TMEM132D: variants seen among roughly 807,000 people sequenced by gnomAD.
TMEM132D encodes mature OL transmembrane protein.
A neutral mutation model predicts 62.3 loss-of-function variants in TMEM132D; 21 were observed. The ratio of observed to expected loss-of-function variants is 0.34; its 90% CI spans 0.24 to 0.49. TMEM132D has a LOEUF of 0.49. Among genes scored for constraint, TMEM132D ranks in the 20% least tolerant of loss-of-function variants. The probability of loss-of-function intolerance (pLI) is 0.99; values close to 1 mark genes in which losing one functional copy is unlikely to be tolerated. For missense variants in TMEM132D, 1,346 were observed against 1,402.8 expected (o/e 0.96, Z 0.65); for synonymous variants, 621 against 575.6 (o/e 1.08, Z -1.13).
chr12:129,326,064 C>A (rs1453081425), intron 4 of TMEM132D, among the ~76,000 whole-genome samples: 1 of 152,148 alleles, frequency 6.6e-6, no homozygotes, highest in Non-Finnish European at 1.5e-5. Context: ...TTAACAGGCT[C>A]GGGGCTGACC....
intron 3 of TMEM132D, among the ~76,000 whole-genome samples, chr12:129,408,175 T>G (rs1040228694): frequency 2.0e-4 from 30 of 152,180 alleles, no homozygotes; most frequent in African/African-American, 6.8e-4. Flanking sequence ...AGTTTTTCTA[T>G]CCCTGTATCA....
Position 129,825,030 on chromosome 12 carries a change from C to T in TMEM132D, c.79+78231G>A, listed in dbSNP as rs1277855455. ...GGCAGTCTTTTTTTTTTTTTTTTCC[C>T]TGAGATGGAGTCTCACTCTGTCACC... On this transcript the variant is annotated intron_variant, in intron 1 of 8. Transcript: ENST00000422113. Among the ~76,000 whole-genome samples the T allele has an allele frequency of 1.5e-3, 217 of 146,600 alleles. 1 individual carries two copies. Among genetic ancestry groups the T allele is most frequent in the African/African-American group, 5.2e-3 (207 of 40,098 alleles).
At chr12:129,178,499 T>C (rs1320289307) in intron 5 of TMEM132D, among the ~76,000 whole-genome samples, 1 of 151,964 alleles carries the variant, frequency 6.6e-6, no homozygotes, top group African/African-American at 2.4e-5. Context: ...GGTATCTCAT[T>C]GTGGTTTTGA....
At chr12:129,653,381 C>T (rs940511200) in intron 2 of TMEM132D, among the ~76,000 whole-genome samples, 3 of 152,152 alleles carry the variant, frequency 2.0e-5, no homozygotes, top group African/African-American at 7.2e-5. Context: ...GGTATGGGGC[C>T]CGTGAACAAT....
intron 2 of TMEM132D, among the ~76,000 whole-genome samples, chr12:129,550,159 C>T (rs1368647843): frequency 6.6e-6 from 1 of 152,176 alleles, no homozygotes; most frequent in Non-Finnish European, 1.5e-5. Context: ...TTTCCAGATT[C>T]TACAGCAAGC....
At chr12:129,355,645 C>A (rs1367975011) in intron 3 of TMEM132D, among the ~76,000 whole-genome samples, 1 of 152,134 alleles carries the variant, frequency 6.6e-6, no homozygotes, top group African/African-American at 2.4e-5. Context: ...TATTTTTAGG[C>A]AGCAAATTAT....
intron 2 of TMEM132D, among the ~76,000 whole-genome samples, chr12:129,556,918 C>T (rs551664020): frequency 6.6e-6 from 1 of 152,230 alleles, no homozygotes; most frequent in East Asian, 1.9e-4. Flanking sequence ...TCCCCAGGCA[C>T]ATTTTAAAGT....
At chr12:129,822,713 C>G (rs1593175724) in intron 1 of TMEM132D, among the ~76,000 whole-genome samples, 1 of 152,190 alleles carries the variant, frequency 6.6e-6, no homozygotes, top group African/African-American at 2.4e-5. Context: ...CGGCAGGAGA[C>G]AGAATGAGTG....
intron 1 of TMEM132D, among the ~76,000 whole-genome samples, chr12:129,786,447 A>G (rs1030162065): frequency 1.3e-5 from 2 of 152,222 alleles, no homozygotes; most frequent in Admixed American, 6.5e-5. Flanking sequence ...AAAAAACCAT[A>G]CAGAAAAGGG....
intron 5 of TMEM132D, among the ~76,000 whole-genome samples, chr12:129,096,674 T>A (rs1489703940): frequency 1.3e-5 from 2 of 152,158 alleles, no homozygotes; most frequent in Non-Finnish European, 2.9e-5. Flanking sequence ...AAAGTCTGAG[T>A]CTCTTTCCCC....
intron 5 of TMEM132D, among the ~76,000 whole-genome samples, chr12:129,153,566 A>G (rs1395486311): frequency 6.6e-6 from 1 of 152,006 alleles, no homozygotes; most frequent in East Asian, 1.9e-4. Context: ...TCTCTTAACG[A>G]TTTTCACAAG....
At chr12:129,372,483 G>GT (rs1222459401) in intron 3 of TMEM132D, among the ~76,000 whole-genome samples, 2 of 152,154 alleles carry the variant, frequency 1.3e-5, no homozygotes, top group African/African-American at 4.8e-5. Flanking sequence ...ATGGTAGGAG[G>GT]TGAGTAGTGG....
intron 3 of TMEM132D, among the ~76,000 whole-genome samples, chr12:129,398,139 C>T (rs75325740): frequency 6.6e-6 from 1 of 152,312 alleles, no homozygotes; most frequent in East Asian, 1.9e-4. Context: ...CTCTGCCCAC[C>T]TCTGACACTT....
Position 129,903,248 on chromosome 12 carries a change from G to C in TMEM132D, c.79+13C>G. On this transcript the variant is annotated intron_variant, in intron 1 of 8. Transcript: ENST00000422113. This position sits in a 1 kb window ranked among gnomAD's most constrained non-coding sequence, Gnocchi z 6.2. ...AGTTAGTCCCCGGGCCCTGGCGGCC[G>C]CGGCGTCCTCACCTTTGGAAAACAG... is the stretch of plus-strand genomic sequence containing the variant. 1 of 1,551,702 alleles carries C rather than the reference G, an allele frequency of 6.4e-7. No individual in the cohort carries two copies. The highest frequency in any genetic ancestry group is 8.7e-7 in the Non-Finnish European group (1 of 1,147,074).
At chr12:129,606,724 C>A (rs963863295) in intron 2 of TMEM132D, among the ~76,000 whole-genome samples, 12 of 152,128 alleles carry the variant, frequency 7.9e-5, no homozygotes, top group African/African-American at 2.9e-4. Context: ...TAATTTTCTG[C>A]CCACTTGGGT....
chr12:129,713,137 G>A (rs1480843370), intron 1 of TMEM132D, among the ~76,000 whole-genome samples: 1 of 152,074 alleles, frequency 6.6e-6, no homozygotes, highest in African/African-American at 2.4e-5. Context: ...ACCTGGGAAC[G>A]CGCTAGGATG....
chr12:129,132,991 A>T (rs1876423600), intron 5 of TMEM132D, among the ~76,000 whole-genome samples: 1 of 152,002 alleles, frequency 6.6e-6, no homozygotes, highest in Admixed American at 6.5e-5. Context: ...CTCTCCTCTG[A>T]TGTCTGAATG....
At chr12:129,626,463 A>ATT (rs200230808) in intron 2 of TMEM132D, among the ~76,000 whole-genome samples, 1 of 86,078 alleles carries the variant, frequency 1.2e-5, no homozygotes, top group African/African-American at 3.4e-5. Context: ...TTATGTGCCA[A>ATT]TTTTTTTTTT....
intron 2 of TMEM132D, among the ~76,000 whole-genome samples, chr12:129,669,831 C>T (rs1040389305): frequency 1.3e-5 from 2 of 152,128 alleles, no homozygotes; most frequent in Non-Finnish European, 2.9e-5. Flanking sequence ...TATTTACAAC[C>T]GTGGTCACTT....
Sources: allele counts gnomAD v4.1 joint callset (sites outside exome capture counted in the v4.1 genomes callset), GRCh38; gene constraint gnomAD v4.1.1; non-coding constraint Gnocchi (gnomAD v3.1); transcripts MANE v1.5; gene names NCBI Gene and HGNC (gene_info 2026-07-23, HGNC 2026-07-21).